Variants in CDH13 observed in about 807,000 individuals in gnomAD.
The protein encoded by CDH13 is cadherin-13.
A neutral mutation model predicts 63.8 loss-of-function variants in CDH13; 24 were observed. The ratio of observed to expected loss-of-function variants is 0.38; its 90% CI spans 0.27 to 0.53. The LOEUF (loss-of-function observed/expected upper bound fraction) is 0.53. Ranked by LOEUF, CDH13 falls within the 20% of genes least tolerant of loss-of-function variation. The pLI, the probability that CDH13 is intolerant of heterozygous loss-of-function variation, is 0.85. For missense variants in CDH13, 1,049 were observed against 903.1 expected, an observed-to-expected ratio of 1.16 and a Z score of -2.07; for synonymous variants, 503 against 355.3, an observed-to-expected ratio of 1.42 and a Z score of -4.67.
chr16:82,865,371 CTT>C (rs1160535737), intron 2 of CDH13, among the ~76,000 whole-genome samples: 7 of 152,332 alleles, frequency 4.6e-5, no homozygotes, highest in Middle Eastern at 3.4e-3. Context: ...CTGCAACAAA[CTT>C]TTGCGTGGAC....
At chr16:83,430,822 C>CT (rs764532961) in intron 6 of CDH13, among the ~76,000 whole-genome samples, 3,187 of 149,260 alleles carry the variant, frequency 0.021, 42 homozygotes, top group Middle Eastern at 0.049. Flanking sequence ...CACACCAGTT[C>CT]TTTTTTTTTT....
In CDH13 at chr16:83,278,830, C is replaced by T. The variant is rs535015337; in HGVS notation, c.636+61333C>T. 2.0e-5 allele frequency among the ~76,000 whole-genome samples: 3 copies of T among 152,266 alleles called. No individual in the cohort carries two copies. The South Asian group carries it at 6.2e-4, about 32-fold the overall frequency. On this transcript the variant is annotated intron_variant, in intron 5 of 13. Transcript: ENST00000567109. ...CAAGAAATGAGGCTGAAAAGAGAAG[C>T]AGTGAATTTAGAACATGACTACCTT...
intron 6 of CDH13, among the ~76,000 whole-genome samples, chr16:83,404,351 T>C (rs1294919014): frequency 6.6e-6 from 1 of 152,218 alleles, no homozygotes; most frequent in African/African-American, 2.4e-5. Flanking sequence ...TTGTTTCTTC[T>C]CCCAACACAT....
chr16:82,835,852 T>A (rs999262170), intron 1 of CDH13, among the ~76,000 whole-genome samples: 1 of 152,164 alleles, frequency 6.6e-6, no homozygotes, highest in African/African-American at 2.4e-5. Context: ...CATCAGTCTA[T>A]GACAATAAAA....
chr16:82,686,805 A>G (rs1915119106), intron 1 of CDH13, among the ~76,000 whole-genome samples: 1 of 152,158 alleles, frequency 6.6e-6, no homozygotes, highest in Non-Finnish European at 1.5e-5. Flanking sequence ...CATTTTGGGT[A>G]TTATCAATAC....
chr16:83,089,241 A>G (rs1052784835), intron 3 of CDH13, among the ~76,000 whole-genome samples: 2 of 152,236 alleles, frequency 1.3e-5, no homozygotes, highest in Non-Finnish European at 2.9e-5. Flanking sequence ...CCAGCCCACT[A>G]ACGTCACATC....
chr16:83,203,246 A>C (rs2039084412), intron 4 of CDH13, among the ~76,000 whole-genome samples: 1 of 152,010 alleles, frequency 6.6e-6, no homozygotes, highest in Admixed American at 6.6e-5. Flanking sequence ...AAACAAAAAC[A>C]CCAAACAAAC....
chr16:83,041,527 A>T (rs1917329569), intron 3 of CDH13, among the ~76,000 whole-genome samples: 1 of 152,202 alleles, frequency 6.6e-6, no homozygotes, highest in South Asian at 2.1e-4. Context: ...CCCTGCTAAT[A>T]CGTCTCTTAC....
At chr16:83,350,526 C>A (rs944382988) in intron 6 of CDH13, among the ~76,000 whole-genome samples, 1 of 150,294 alleles carries the variant, frequency 6.7e-6, no homozygotes, top group Non-Finnish European at 1.5e-5. Context: ...AGCCACTTTC[C>A]CTCCCTCTCT....
intron 2 of CDH13, among the ~76,000 whole-genome samples, chr16:82,868,728 A>T (rs943787245): frequency 2.0e-5 from 3 of 152,234 alleles, no homozygotes; most frequent in Non-Finnish European, 2.9e-5. Context: ...TTGGCTGCTT[A>T]GTGTGAGAAT....
At chr16:82,781,481 C>T (rs1246805794) in intron 1 of CDH13, among the ~76,000 whole-genome samples, 1 of 152,098 alleles carries the variant, frequency 6.6e-6, no homozygotes, top group Non-Finnish European at 1.5e-5. Flanking sequence ...ACCCACACAC[C>T]TATACATCCA....
intron 3 of CDH13, among the ~76,000 whole-genome samples, chr16:83,081,144 A>T (rs1449117594): frequency 6.6e-6 from 1 of 151,796 alleles, no homozygotes; most frequent in African/African-American, 2.4e-5. Flanking sequence ...GCCTCCCAAA[A>T]TGCTGGGATT....
intron 7 of CDH13, among the ~76,000 whole-genome samples, chr16:83,506,336 G>T (rs945717766): frequency 1.3e-5 from 2 of 152,180 alleles, no homozygotes; most frequent in Non-Finnish European, 2.9e-5. Context: ...TGGGAATCCA[G>T]TTCTGCTATG....
intron 1 of CDH13, among the ~76,000 whole-genome samples, chr16:82,660,978 C>G (rs939148761): frequency 1.3e-5 from 2 of 150,990 alleles, no homozygotes; most frequent in Non-Finnish European, 3.0e-5. Context: ...GTCATAAAAA[C>G]AAACCAAACA....
At chr16:83,321,035 G>A (rs1384609888) in intron 5 of CDH13, among the ~76,000 whole-genome samples, 1 of 152,220 alleles carries the variant, frequency 6.6e-6, no homozygotes, top group Non-Finnish European at 1.5e-5. Flanking sequence ...AGTTTAATGA[G>A]AACTGAAGGT....
At chr16:83,510,546 C>A (rs922445823) in intron 7 of CDH13, among the ~76,000 whole-genome samples, 8 of 152,148 alleles carry the variant, frequency 5.3e-5, no homozygotes, top group Non-Finnish European at 2.9e-5. Flanking sequence ...TGACAGTAAC[C>A]CTGGGAATAA....
chr16:83,406,416 T>TCC (rs1567650653), intron 6 of CDH13, among the ~76,000 whole-genome samples: 4 of 135,366 alleles, frequency 3.0e-5, no homozygotes, highest in Admixed American at 1.4e-4. Context: ...CTCTCTTTCT[T>TCC]TCCCCCCCCG....
At chr16:83,269,140 T>C (rs2088717897) in intron 5 of CDH13, among the ~76,000 whole-genome samples, 1 of 152,180 alleles carries the variant, frequency 6.6e-6, no homozygotes, top group Non-Finnish European at 1.5e-5. Flanking sequence ...CAGCTGCTTT[T>C]CTCTCCTAGT....
intron 5 of CDH13, among the ~76,000 whole-genome samples, chr16:83,250,305 T>G (rs1905370096): frequency 6.6e-6 from 1 of 152,194 alleles, no homozygotes; most frequent in African/African-American, 2.4e-5. Flanking sequence ...AAAGAACACC[T>G]GATTTATGCC....
Sources: allele counts gnomAD v4.1 joint callset (sites outside exome capture counted in the v4.1 genomes callset), GRCh38; gene constraint gnomAD v4.1.1; transcripts MANE v1.5; gene names NCBI Gene and HGNC (gene_info 2026-07-23, HGNC 2026-07-21).